DHRSX: variants seen among roughly 807,000 people sequenced by gnomAD.
DHRSX encodes dehydrogenase/reductase X-linked.
Under a neutral mutation model 34.0 loss-of-function variants are expected in DHRSX, and 31 were observed. The observed-to-expected ratio is 0.91, with a 90% CI of 0.69 to 1.23. DHRSX has a LOEUF of 1.23. Ranked by LOEUF, DHRSX falls within the 50% of genes most tolerant of loss-of-function variation. The pLI is 0.00. For synonymous variants in DHRSX, 201 were observed against 183.8 expected (o/e 1.09, Z -0.76); for missense variants, 414 against 428.1 (o/e 0.97, Z 0.29).
chrX:2,341,977 T>G (rs2042646462), intron 3 of DHRSX, among the ~76,000 whole-genome samples: 1 of 152,090 alleles, frequency 6.6e-6, no homozygotes, highest in African/African-American at 2.4e-5. Context: ...GCTAATTTTT[T>G]GTATTTTTAG....
intron 3 of DHRSX, among the ~76,000 whole-genome samples, chrX:2,324,769 CTTTTTTTTT>C (rs570670358): frequency 7.6e-6 from 1 of 131,030 alleles, no homozygotes; most frequent in Non-Finnish European, 1.6e-5. Flanking sequence ...TTTTTCTTTT[CTTTTTTTTT>C]TTTTTTTTGA....
intron 3 of DHRSX, among the ~76,000 whole-genome samples, chrX:2,345,020 T>C (rs2042686713): frequency 6.6e-6 from 1 of 151,274 alleles, no homozygotes; most frequent in South Asian, 2.1e-4. Flanking sequence ...ACAAGACCCC[T>C]GCAGTCTACC....
rs1174715126 is a variant in DHRSX, at chrX:2,259,337, TATAGATATAGATATATAG to T, written c.596+7385_596+7402del. Among the ~76,000 whole-genome samples, 9 of 145,256 alleles carry T rather than the reference TATAGATATAGATATATAG, an allele frequency of 6.2e-5. No individual in the cohort carries two copies. In the South Asian group the frequency reaches 2.0e-3, roughly 32 times the overall value. On this transcript the variant is annotated intron_variant, in intron 5 of 6. Coordinates refer to ENST00000334651, the MANE Select transcript of DHRSX (RefSeq NM_145177.3). ...AGATATATAGATAGATATAGATATA[TATAGATATAGATATATAG>T]ATAGATATAGATATATATAGATATA...
At chrX:2,375,564 T>C (rs2043130995) in intron 3 of DHRSX, among the ~76,000 whole-genome samples, 1 of 136,798 alleles carries the variant, frequency 7.3e-6, no homozygotes, top group Admixed American at 7.3e-5. Flanking sequence ...CTTGATTTAT[T>C]CTCTCTTGAG....
intron 5 of DHRSX, among the ~76,000 whole-genome samples, chrX:2,249,488 C>T (rs961733616): frequency 2.0e-5 from 3 of 148,246 alleles, no homozygotes; most frequent in African/African-American, 7.5e-5. Flanking sequence ...GTGATGTGAG[C>T]CACCACGCTC....
intron 4 of DHRSX, among the ~76,000 whole-genome samples, chrX:2,272,371 T>A (rs1049141152): frequency 6.6e-6 from 1 of 152,154 alleles, no homozygotes; most frequent in African/African-American, 2.4e-5. Flanking sequence ...ATGCATGGTT[T>A]TGAAAGGCAG....
In DHRSX at chrX:2,349,769, A is replaced by C. The variant is rs780655238; in HGVS notation, c.287-58166T>G. Among the ~76,000 whole-genome samples, 7 of 152,216 alleles carry C rather than the reference A, an allele frequency of 4.6e-5. No homozygotes were observed. The South Asian group carries it at 1.0e-3, about 23-fold the overall frequency. On this transcript the variant is annotated intron_variant, in intron 3 of 6. Coordinates refer to ENST00000334651, the MANE Select transcript of DHRSX (RefSeq NM_145177.3). ...AAACGGAAGGTAATTGGGCTGAGCAAGGTGGCTCACGCCTGTAATTCCAGC... is the reference window on the plus strand; with the variant it reads ...AAACGGAAGGTAATTGGGCTGAGCACGGTGGCTCACGCCTGTAATTCCAGC...
intron 4 of DHRSX, among the ~76,000 whole-genome samples, chrX:2,276,758 G>A (rs1309027139): frequency 6.6e-6 from 1 of 151,274 alleles, no homozygotes; most frequent in Non-Finnish European, 1.5e-5. Flanking sequence ...GAGAGAGAGA[G>A]GGAGGGCAAA....
chrX:2,453,170 C>A (rs751807169), intron 1 of DHRSX, among the ~76,000 whole-genome samples: 1 of 152,066 alleles, frequency 6.6e-6, no homozygotes, highest in Non-Finnish European at 1.5e-5. Flanking sequence ...AAAAGCTGAA[C>A]ACATAAATGC....
intron 2 of DHRSX, among the ~76,000 whole-genome samples, chrX:2,416,795 G>C (rs1026759918): frequency 2.0e-5 from 3 of 152,050 alleles, no homozygotes; most frequent in Non-Finnish European, 4.4e-5. Flanking sequence ...ATATTAATGT[G>C]CTTCAGTTGG....
At chrX:2,326,953 A>G (rs1313912130) in intron 3 of DHRSX, among the ~76,000 whole-genome samples, 1 of 152,014 alleles carries the variant, frequency 6.6e-6, no homozygotes, top group Non-Finnish European at 1.5e-5. Flanking sequence ...CTGGGATGAC[A>G]GGTGCCTGCC....
intron 1 of DHRSX, among the ~76,000 whole-genome samples, chrX:2,443,749 G>A (rs1047449511): frequency 1.3e-5 from 2 of 152,210 alleles, no homozygotes; most frequent in Non-Finnish European, 2.9e-5. Flanking sequence ...GCTCACGCCT[G>A]TAATCCCAGC....
chrX:2,386,898 G>C (rs1421463919), intron 3 of DHRSX, among the ~76,000 whole-genome samples: 1 of 72,764 alleles, frequency 1.4e-5, no homozygotes. Flanking sequence ...TTTTTTTTTT[G>C]CTTCTCTGCT....
chrX:2,387,858 C>T (rs188218951), intron 3 of DHRSX, among the ~76,000 whole-genome samples: 2,476 of 99,376 alleles, frequency 0.025, 43 homozygotes, highest in South Asian at 0.11. Context: ...TCACAGCAGG[C>T]GGAAAAAAAA....
At position 2,303,796 on chromosome X, in the gene DHRSX, G is replaced by GAT. The variant is rs1427771059; in HGVS notation, c.287-12194_287-12193insAT. On this transcript the variant is annotated intron_variant, in intron 3 of 6. Coordinates refer to ENST00000334651, the MANE Select transcript of DHRSX (RefSeq NM_145177.3). ...AAATGGATGGATGGATGGATGGGTGGGTGGGTGGGTGGATGGGTGGGTGGA... is the reference window on the plus strand; with the variant it reads ...AAATGGATGGATGGATGGATGGGTGGATGTGGGTGGGTGGATGGGTGGGTGGA... Among the ~76,000 whole-genome samples, 616 of 106,140 alleles carry GAT rather than the reference G, an allele frequency of 5.8e-3. 41 individuals are homozygous for GAT. Among genetic ancestry groups the GAT allele is most frequent in the African/African-American group, 0.02 (499 of 24,596 alleles). 69.6% of individuals were successfully genotyped at this position (106,140 alleles called of 152,430 possible). A position where few individuals can be genotyped will look rare whatever the true frequency, so the allele number is the denominator to read the frequency against.
Position 2,500,960 on chromosome X carries a change from C to T in DHRSX, c.-35G>A. 3.0e-6 allele frequency: 3 copies of T among 1,003,464 alleles called. No homozygotes were observed. The highest frequency in any genetic ancestry group is 3.6e-6 in the Non-Finnish European group (3 of 838,122). The allele number at this position is 1,003,464 out of a possible 1,614,324, so 62.2% of individuals were successfully genotyped here. On this transcript the variant is annotated 5_prime_UTR_variant, in exon 1 of 7. Transcript: ENST00000334651. The stretch of plus-strand genomic sequence containing the variant: ...GGCCGCGCCGCCGCCGCTTCCGCGC[C>T]GCCCGCGGGACTCTGCGCCCGCCCG...
In DHRSX at chrX:2,425,318, A is replaced by G. The variant is rs765888458; in HGVS notation, c.110-14T>C. 15 of 1,599,722 alleles carry G rather than the reference A, an allele frequency of 9.4e-6. No individual in the cohort carries two copies. The highest frequency in any genetic ancestry group is 1.7e-5 in the Admixed American group (1 of 59,370). On this transcript the variant is annotated splice_polypyrimidine_tract_variant and intron_variant, in intron 1 of 6. Transcript: ENST00000334651. ...GTGGGGGGAAAACTGAAAAAGAAGA[A>G]GAGAAAATCATCAAACTAAGATTTG...
chrX:2,221,838 G>A (rs1362014868), intron 6 of DHRSX, among the ~76,000 whole-genome samples: 1 of 152,164 alleles, frequency 6.6e-6, no homozygotes, highest in Non-Finnish European at 1.5e-5. Flanking sequence ...GTTTTCTGCA[G>A]TGGGAGTTGG....
At chrX:2,324,769 C>CT (rs570670358) in intron 3 of DHRSX, among the ~76,000 whole-genome samples, 5,678 of 130,962 alleles carry the variant, frequency 0.043, 203 homozygotes, top group East Asian at 0.08. Flanking sequence ...TTTTTCTTTT[C>CT]TTTTTTTTTT....
Sources: gnomAD v4.1 joint callset for allele counts (sites outside exome capture counted in the v4.1 genomes callset) on GRCh38, gnomAD v4.1.1 for gene constraint, MANE v1.5 for transcripts, NCBI Gene and HGNC (gene_info 2026-07-23, HGNC 2026-07-21) for gene names.